KCNMA1: variants seen among roughly 807,000 people sequenced by gnomAD.
The protein encoded by KCNMA1 is Calcium-activated potassium channel subunit alpha-1.
Under a neutral mutation model 140.0 loss-of-function variants are expected in KCNMA1, and 29 were observed. The observed-to-expected ratio is 0.21, with a 90% CI of 0.15 to 0.28. KCNMA1 has a LOEUF of 0.28. KCNMA1 is among the 10% of genes least tolerant of loss of function. KCNMA1 has a pLI of 1.00. For missense variants in KCNMA1, 880 were observed against 1,602.2 expected, an observed-to-expected ratio of 0.55 and a Z score of 7.70; for synonymous variants, 612 against 611.9, an observed-to-expected ratio of 1.00 and a Z score of 0.00.
intron 1 of KCNMA1, among the ~76,000 whole-genome samples, chr10:77,419,536 GA>G (rs2096824418): frequency 6.6e-6 from 1 of 152,166 alleles, no homozygotes; most frequent in South Asian, 2.1e-4. Flanking sequence ...CGTCAAAGGT[GA>G]GACGCCAGCC....
intron 1 of KCNMA1, among the ~76,000 whole-genome samples, chr10:77,445,027 A>G (rs1054755420): frequency 6.6e-6 from 1 of 152,204 alleles, no homozygotes; most frequent in South Asian, 2.1e-4. Context: ...AGGTTGCATG[A>G]GTGCCTATGA....
In KCNMA1 at chr10:77,441,328, A is replaced by G. The variant is rs555938293; in HGVS notation, c.379-37305T>C. On this transcript the variant is annotated intron_variant, in intron 1 of 27. Transcript: ENST00000286628. ...CTGCTGATGACACACTGGATACACT[A>G]GGGGTGCAGGGAGAAAATTAATAAA... Among the ~76,000 whole-genome samples the G allele has an allele frequency of 2.0e-5, 3 of 152,260 alleles. No individual in the cohort carries two copies. In the South Asian group the frequency reaches 6.2e-4, roughly 32 times the overall value.
intron 1 of KCNMA1, among the ~76,000 whole-genome samples, chr10:77,502,797 T>C (rs1272909054): frequency 6.6e-6 from 1 of 152,210 alleles, no homozygotes; most frequent in Non-Finnish European, 1.5e-5. Context: ...TAGGTTGGTG[T>C]GAGGATTAAA....
chr10:77,302,317 G>A (rs1368301870), intron 2 of KCNMA1, among the ~76,000 whole-genome samples: 1 of 152,094 alleles, frequency 6.6e-6, no homozygotes, highest in Non-Finnish European at 1.5e-5. Context: ...CTGGGTTGCT[G>A]CCCACCCCCA....
At chr10:76,910,197 A>G (rs915587945) in intron 24 of KCNMA1, 101 bp from the exon 25 acceptor site, 31 of 1,331,902 alleles carry the variant, frequency 2.3e-5, no homozygotes, top group Non-Finnish European at 3.2e-5. Context: ...GAAGTCATTG[A>G]GAAGGAAACA....
Position 77,301,821 on chromosome 10 carries a change from C to T in KCNMA1, c.541-50565G>A, listed in dbSNP as rs990767413. Among the ~76,000 whole-genome samples the T allele has an allele frequency of 2.7e-5, 4 of 149,344 alleles. No individual in the cohort carries two copies. In the Admixed American group the frequency reaches 2.7e-4, roughly 10 times the overall value. Reference sequence around the variant, plus strand: ...CCAGTGAGAAAGCTACGCTAGGCATCCTAGATGCTTTTAGATCACAGTAAT... The same window carrying T: ...CCAGTGAGAAAGCTACGCTAGGCATTCTAGATGCTTTTAGATCACAGTAAT... On this transcript the variant is annotated intron_variant, in intron 2 of 27. Transcript: ENST00000286628.
chr10:77,342,781 G>C (rs2091256794), intron 2 of KCNMA1, among the ~76,000 whole-genome samples: 1 of 152,204 alleles, frequency 6.6e-6, no homozygotes. Flanking sequence ...CTGTGATTGG[G>C]CCCATCACGG....
intron 18 of KCNMA1, among the ~76,000 whole-genome samples, chr10:77,011,756 T>C (rs886853814): frequency 6.6e-6 from 1 of 152,198 alleles, no homozygotes; most frequent in Non-Finnish European, 1.5e-5. Context: ...GTTTCATTCC[T>C]AGGTGTTGAT....
chr10:76,878,646 A>G (rs1181849906), intron 29 of KCNMA1, among the ~76,000 whole-genome samples: 1 of 152,252 alleles, frequency 6.6e-6, no homozygotes, highest in African/African-American at 2.4e-5. Flanking sequence ...CAAGCTGTCG[A>G]CAAGGGAGCT....
intron 2 of KCNMA1, among the ~76,000 whole-genome samples, chr10:77,359,281 G>C (rs1007037568): frequency 6.6e-6 from 1 of 152,198 alleles, no homozygotes; most frequent in Non-Finnish European, 1.5e-5. Context: ...TTGTCCGCCA[G>C]GAAGAAGAAA....
rs1358490694 is a variant in KCNMA1, at chr10:76,885,435, G to A, written c.*1831C>T. ...CCCTGTCTTTGGTGTGGGGGAGGGT[G>A]GAGGTTCTGACTGAGCCTCACCATT... On this transcript the variant is annotated 3_prime_UTR_variant, in exon 28 of 28. Transcript: ENST00000286628. 2.0e-6 allele frequency: 2 copies of A among 985,062 alleles called. No homozygotes were observed. Among genetic ancestry groups the A allele is most frequent in the Non-Finnish European group, 2.4e-6 (2 of 829,902 alleles). 61.0% of individuals were successfully genotyped at this position (985,062 alleles called of 1,614,324 possible).
intron 5 of KCNMA1, among the ~76,000 whole-genome samples, chr10:77,129,332 T>G (rs2097803293): frequency 6.6e-6 from 1 of 152,214 alleles, no homozygotes; most frequent in Non-Finnish European, 1.5e-5. Context: ...AGAGTATCTT[T>G]TATTTTCTTT....
intron 9 of KCNMA1, among the ~76,000 whole-genome samples, chr10:77,103,157 G>A (rs951202869): frequency 6.6e-6 from 1 of 152,112 alleles, no homozygotes; most frequent in Non-Finnish European, 1.5e-5. Flanking sequence ...TTTAAAATAT[G>A]AGCATTTACA....
chr10:77,097,085 C>T (rs2096952281), intron 9 of KCNMA1, among the ~76,000 whole-genome samples: 1 of 152,150 alleles, frequency 6.6e-6, no homozygotes, highest in Admixed American at 6.5e-5. Flanking sequence ...GTGTCTGCAT[C>T]ACCACCTCTC....
At chr10:77,608,484 A>T (rs1449227459) in intron 1 of KCNMA1, among the ~76,000 whole-genome samples, 1 of 152,012 alleles carries the variant, frequency 6.6e-6, no homozygotes, top group Non-Finnish European at 1.5e-5. Context: ...TGTAGGTCTC[A>T]TTTCTGCAGG....
chr10:77,324,534 CTA>C lies in KCNMA1; in HGVS notation c.541-73280_541-73279del, dbSNP rs373947935. 7.2e-3 allele frequency among the ~76,000 whole-genome samples: 619 copies of C among 85,736 alleles called. 7 individuals carry two copies. The highest frequency in any genetic ancestry group is 0.017 in the African/African-American group (598 of 34,998). 56.2% of individuals were successfully genotyped at this position (85,736 alleles called of 152,430 possible). A position where few individuals can be genotyped will look rare whatever the true frequency, so the allele number is the denominator to read the frequency against. Reference sequence around the variant, plus strand: ...TGTCAATGCTAAAATATTTATGAAGCTATAGAGAATATTTTTTTAAATTTTCA... The same window carrying C: ...TGTCAATGCTAAAATATTTATGAAGCTAGAGAATATTTTTTTAAATTTTCA... On this transcript the variant is annotated intron_variant, in intron 2 of 27. Transcript: ENST00000286628.
At chr10:77,435,097 G>C (rs1401962235) in intron 1 of KCNMA1, among the ~76,000 whole-genome samples, 1 of 148,744 alleles carries the variant, frequency 6.7e-6, no homozygotes, top group Non-Finnish European at 1.5e-5. Flanking sequence ...ACCACACCTG[G>C]CTATTTTTTT....
intron 12 of KCNMA1, among the ~76,000 whole-genome samples, chr10:77,083,538 G>T (rs1444973259): frequency 2.0e-5 from 3 of 151,228 alleles, no homozygotes; most frequent in African/African-American, 7.3e-5. Context: ...GGGCAGGGCA[G>T]GGCAGGGCAG....
chr10:77,019,865 G>A (rs1374218607), intron 16 of KCNMA1: 3 of 152,198 alleles, frequency 2.0e-5, no homozygotes, highest in African/African-American at 4.8e-5. Flanking sequence ...AACTTGCCCT[G>A]CAGAGAAGTG....
Sources: allele counts gnomAD v4.1 joint callset (sites outside exome capture counted in the v4.1 genomes callset), GRCh38; gene constraint gnomAD v4.1.1; transcripts MANE v1.5; gene names NCBI Gene and HGNC (gene_info 2026-07-23, HGNC 2026-07-21).